Variants in EBF1 observed in about 807,000 individuals in gnomAD.
EBF1 encodes EBF transcription factor 1, also known as transcription factor COE1.
In EBF1, 10 loss-of-function variants were observed where a neutral mutation model predicts 68.4. The ratio of observed to expected loss-of-function variants is 0.15; its 90% CI spans 0.09 to 0.25. The LOEUF is 0.25. Among genes scored for constraint, EBF1 ranks in the 10% least tolerant of loss-of-function variants. EBF1 has a pLI of 1.00. For missense variants in EBF1, 509 were observed against 794.4 expected, an observed-to-expected ratio of 0.64 and a Z score of 4.32; for synonymous variants, 298 against 299.8, an observed-to-expected ratio of 0.99 and a Z score of 0.06.
intron 6 of EBF1, among the ~76,000 whole-genome samples, chr5:158,909,714 G>A (rs1805478409): frequency 6.6e-6 from 1 of 152,010 alleles, no homozygotes; most frequent in Non-Finnish European, 1.5e-5. Flanking sequence ...CGAGGCGGGA[G>A]GATCACAAGG....
At chr5:158,775,209 AT>A (rs879320982) in intron 10 of EBF1, among the ~76,000 whole-genome samples, 48 of 147,438 alleles carry the variant, frequency 3.3e-4, no homozygotes, top group South Asian at 1.7e-3. Context: ...ACTGATGGCA[AT>A]TTTTTTTTTT....
intron 10 of EBF1, among the ~76,000 whole-genome samples, chr5:158,771,122 T>C (rs1226709720): frequency 1.3e-5 from 2 of 152,084 alleles, no homozygotes; most frequent in Admixed American, 1.3e-4. Context: ...AAAGAAACAA[T>C]GTCTTTACTC....
At chr5:158,776,515 G>A (rs992323983) in intron 10 of EBF1, among the ~76,000 whole-genome samples, 2 of 152,044 alleles carry the variant, frequency 1.3e-5, no homozygotes, top group African/African-American at 4.8e-5. Flanking sequence ...AGCAACTTCC[G>A]CTCTGTACTT....
At chr5:158,794,405 C>T (rs1779252156) in intron 9 of EBF1, among the ~76,000 whole-genome samples, 1 of 152,148 alleles carries the variant, frequency 6.6e-6, no homozygotes, top group African/African-American at 2.4e-5. Context: ...CTTTGCTGTT[C>T]CCAAAACAGG....
At chr5:158,700,977 A>G (rs912116579) in intron 15 of EBF1, among the ~76,000 whole-genome samples, 1 of 152,200 alleles carries the variant, frequency 6.6e-6, no homozygotes, top group Non-Finnish European at 1.5e-5. Context: ...GGAGCTCAGT[A>G]TTTCAATCCA....
intron 10 of EBF1, among the ~76,000 whole-genome samples, chr5:158,763,699 C>T (rs1027942974): frequency 6.6e-6 from 1 of 152,038 alleles, no homozygotes; most frequent in Non-Finnish European, 1.5e-5. Flanking sequence ...ATCAAACGAC[C>T]ATGGTGATGT....
intron 6 of EBF1, among the ~76,000 whole-genome samples, chr5:158,939,621 C>T (rs1011978316): frequency 6.6e-6 from 1 of 152,118 alleles, no homozygotes. Flanking sequence ...TCAGACTTTG[C>T]TCTGTGGTAT....
intron 8 of EBF1, among the ~76,000 whole-genome samples, chr5:158,807,983 G>A (rs867493077): frequency 6.6e-6 from 1 of 152,106 alleles, no homozygotes; most frequent in Non-Finnish European, 1.5e-5. Flanking sequence ...CTCCACAACC[G>A]AGGCTGCCAT....
intron 6 of EBF1, among the ~76,000 whole-genome samples, chr5:158,853,521 C>T (rs938303037): frequency 3.3e-5 from 5 of 152,218 alleles, no homozygotes; most frequent in Admixed American, 3.3e-4. Context: ...TCATATTCCA[C>T]CTTGTAGAGA....
chr5:158,908,850 C>T (rs1223082063), intron 6 of EBF1, among the ~76,000 whole-genome samples: 1 of 152,158 alleles, frequency 6.6e-6, no homozygotes, highest in East Asian at 1.9e-4. Flanking sequence ...AGAGCACATG[C>T]CTTCCTCCCC....
intron 6 of EBF1, among the ~76,000 whole-genome samples, chr5:159,043,801 A>G (rs1771750583): frequency 6.6e-6 from 1 of 152,212 alleles, no homozygotes; most frequent in African/African-American, 2.4e-5. Context: ...TGGAAATAAT[A>G]TCAGTATCCA....
intron 6 of EBF1, among the ~76,000 whole-genome samples, chr5:158,886,246 C>G (rs553290148): frequency 6.6e-6 from 1 of 152,216 alleles, no homozygotes; most frequent in Non-Finnish European, 1.5e-5. Context: ...AGTGGCTAAA[C>G]CACAAGTTTT....
At chr5:158,951,958 C>T (rs891843600) in intron 6 of EBF1, among the ~76,000 whole-genome samples, 9 of 152,098 alleles carry the variant, frequency 5.9e-5, no homozygotes, top group African/African-American at 1.4e-4. Context: ...GTTAAAAACC[C>T]GCCAGCTTTT....
chr5:158,749,644 C>T (rs1768353431), intron 10 of EBF1, among the ~76,000 whole-genome samples: 1 of 152,024 alleles, frequency 6.6e-6, no homozygotes, highest in African/African-American at 2.4e-5. Flanking sequence ...TCAATAAGTT[C>T]CTATAGAGTT....
At chr5:159,077,233 G>A (rs73305722) in intron 5 of EBF1, among the ~76,000 whole-genome samples, 1,539 of 152,118 alleles carry the variant, frequency 0.01, 11 homozygotes, top group Non-Finnish European at 0.016. Flanking sequence ...TCAGGAGTTC[G>A]GGACTAGCCT....
chr5:159,035,107 CA>C, intron 6 of EBF1, among the ~76,000 whole-genome samples: 1 of 151,768 alleles, frequency 6.6e-6, no homozygotes, highest in South Asian at 2.1e-4. Context: ...CCATCAGAAA[CA>C]GGGGGAAAGA....
At chr5:158,717,383 T>C (rs1760961801) in intron 11 of EBF1, among the ~76,000 whole-genome samples, 1 of 152,180 alleles carries the variant, frequency 6.6e-6, no homozygotes, top group African/African-American at 2.4e-5. Context: ...CTAAAATTGT[T>C]CTTAAATTCT....
intron 6 of EBF1, among the ~76,000 whole-genome samples, chr5:158,991,017 A>G (rs1045364049): frequency 6.6e-6 from 1 of 152,240 alleles, no homozygotes; most frequent in African/African-American, 2.4e-5. Context: ...CTCAACGTCC[A>G]ATAACTGCAG....
Position 158,810,265 on chromosome 5 carries a change from A to G in EBF1, c.778+12911T>C, listed in dbSNP as rs577037355. On this transcript the variant is annotated intron_variant, in intron 8 of 15. Transcript: ENST00000313708. ...CCAGCCCACGGATAATACACCCAAC[A>G]GCATTTGCCTCAGGCCCAGCACATA... Among the ~76,000 whole-genome samples, 243 of 152,324 alleles carry G rather than the reference A, an allele frequency of 1.6e-3. 1 individual carries two copies. Among genetic ancestry groups the G allele is most frequent in the African/African-American group, 5.3e-3 (220 of 41,570 alleles).
Sources: allele counts gnomAD v4.1 joint callset (sites outside exome capture counted in the v4.1 genomes callset), GRCh38; gene constraint gnomAD v4.1.1; transcripts MANE v1.5; gene names NCBI Gene and HGNC (gene_info 2026-07-23, HGNC 2026-07-21).